STX8: variants seen among roughly 807,000 people sequenced by gnomAD.
The protein encoded by STX8 is syntaxin 8, also known as syntaxin-8.
In STX8, 23 loss-of-function variants were observed where a neutral mutation model predicts 37.5. The observed-to-expected ratio is 0.61, with a 90% confidence interval of 0.44 to 0.87. The LOEUF (loss-of-function observed/expected upper bound fraction) is 0.87, where lower values mean the gene tolerates loss of function less well. Ranked by LOEUF, STX8 falls within the 40% of genes least tolerant of loss-of-function variation. The pLI, the probability that STX8 is intolerant of heterozygous loss-of-function variation, is 0.00. For synonymous variants in STX8, 115 were observed against 99.1 expected (o/e 1.16, Z -0.95); for missense variants, 313 against 284.7 (o/e 1.10, Z -0.71).
chr17:9,564,891 A>G (rs1180766722), intron 2 of STX8, among the ~76,000 whole-genome samples: 1 of 152,256 alleles, frequency 6.6e-6, no homozygotes, highest in Admixed American at 6.5e-5. Flanking sequence ...GAGCCCAAAT[A>G]GCCAAGGCAA....
chr17:9,288,570 G>C (rs895155199), intron 7 of STX8, among the ~76,000 whole-genome samples: 1 of 152,130 alleles, frequency 6.6e-6, no homozygotes, highest in Non-Finnish European at 1.5e-5. Flanking sequence ...GCTGAGGCAG[G>C]AGAATGCCGT....
intron 7 of STX8, among the ~76,000 whole-genome samples, chr17:9,258,962 T>C (rs1906908236): frequency 6.6e-6 from 1 of 152,226 alleles, no homozygotes; most frequent in African/African-American, 2.4e-5. Context: ...TCCGAGGGTA[T>C]CTGCAGCAAG....
intron 3 of STX8, chr17:9,557,218 G>A (rs1456949163): frequency 2.1e-6 from 1 of 482,184 alleles, no homozygotes; most frequent in Non-Finnish European, 3.8e-6. Context: ...ACCCAAATAA[G>A]TTAATTCCCT....
chr17:9,397,125 C>T (rs1912431948), intron 6 of STX8, among the ~76,000 whole-genome samples: 2 of 152,278 alleles, frequency 1.3e-5, no homozygotes, highest in South Asian at 2.1e-4. Flanking sequence ...GGGCTGGGCG[C>T]GGTGGCCCAC....
intron 7 of STX8, among the ~76,000 whole-genome samples, chr17:9,338,047 G>GGT (rs1308584043): frequency 7.9e-6 from 1 of 125,918 alleles, no homozygotes. Flanking sequence ...ACCTCTGAAG[G>GGT]ATTTTTTTTT....
intron 6 of STX8, among the ~76,000 whole-genome samples, chr17:9,384,910 G>T (rs1911939302): frequency 7.3e-6 from 1 of 137,398 alleles, no homozygotes; most frequent in Non-Finnish European, 1.5e-5. Context: ...TATGTATGAG[G>T]AAGTAAAAAA....
chr17:9,485,881 C>T (rs1906575805), intron 6 of STX8, among the ~76,000 whole-genome samples: 1 of 152,100 alleles, frequency 6.6e-6, no homozygotes, highest in African/African-American at 2.4e-5. Context: ...CCACCATGCT[C>T]GGACAATCCG....
rs1904878762 is a variant in STX8 at position 9,507,385 on chromosome 17, T to C, written c.324-2223A>G. 1.3e-5 allele frequency among the ~76,000 whole-genome samples: 2 copies of C among 151,370 alleles called. No individual in the cohort carries two copies. Among genetic ancestry groups the C allele is most frequent in the Non-Finnish European group, 2.9e-5 (2 of 67,844 alleles). On this transcript the variant is annotated intron_variant, in intron 4 of 7. Coordinates refer to ENST00000306357, the MANE Select transcript of STX8 (RefSeq NM_004853.3). The surrounding 1 kb of genome is among the most constrained non-coding windows in gnomAD (Gnocchi z 4.0). ...GGCCAGCCGAGCAGCCTTGTGTTCA[T>C]ATCCCGGGTCTGAGAAGCAACTCCT... is the stretch of plus-strand genomic sequence containing the variant.
chr17:9,541,756 C>A (rs1044808093), intron 4 of STX8, among the ~76,000 whole-genome samples: 2 of 152,132 alleles, frequency 1.3e-5, no homozygotes, highest in Non-Finnish European at 2.9e-5. Context: ...TTCTCTTCTG[C>A]AAAATGGGGC....
chr17:9,494,334 T>TA (rs1441702870), intron 5 of STX8, among the ~76,000 whole-genome samples: 8 of 147,362 alleles, frequency 5.4e-5, no homozygotes, highest in African/African-American at 2.0e-4. Flanking sequence ...TGTTCTTAAG[T>TA]AAAAAAGCAG....
At chr17:9,383,516 C>T (rs1911887499) in intron 6 of STX8, among the ~76,000 whole-genome samples, 1 of 152,188 alleles carries the variant, frequency 6.6e-6, no homozygotes. Flanking sequence ...TCAGAGCTAA[C>T]ATCATACTTA....
chr17:9,412,016 C>G (rs1912995900), intron 6 of STX8, among the ~76,000 whole-genome samples: 1 of 152,106 alleles, frequency 6.6e-6, no homozygotes, highest in Non-Finnish European at 1.5e-5. Context: ...TCAAAAGTCT[C>G]AAAAGTTAAA....
chr17:9,367,173 T>G (rs546905438), intron 7 of STX8, among the ~76,000 whole-genome samples: 41 of 110,916 alleles, frequency 3.7e-4, no homozygotes, highest in African/African-American at 2.9e-3. Flanking sequence ...GTTTTTTTTG[T>G]TTTTTTTTTT....
At chr17:9,455,373 G>A (rs1166101420) in intron 6 of STX8, among the ~76,000 whole-genome samples, 6 of 151,956 alleles carry the variant, frequency 3.9e-5, no homozygotes, top group Admixed American at 6.6e-5. Context: ...GGTGGCACGC[G>A]CCTGTAATCC....
intron 7 of STX8, among the ~76,000 whole-genome samples, chr17:9,327,242 G>GAGGAGGA (rs770535259): frequency 1.4e-5 from 2 of 140,050 alleles, no homozygotes; most frequent in African/African-American, 6.3e-5. Flanking sequence ...AAGGAGGACA[G>GAGGAGGA]AGGAGGAAGG....
intron 7 of STX8, among the ~76,000 whole-genome samples, chr17:9,334,420 A>G (rs1409301275): frequency 6.6e-6 from 1 of 152,224 alleles, no homozygotes; most frequent in Non-Finnish European, 1.5e-5. Context: ...TTTTAAAACT[A>G]TAAACTAAGT....
At chr17:9,415,684 G>A (rs541165801) in intron 6 of STX8, among the ~76,000 whole-genome samples, 4 of 152,272 alleles carry the variant, frequency 2.6e-5, no homozygotes, top group African/African-American at 9.6e-5. Flanking sequence ...CAAGAGAATG[G>A]CGTGAACCCG....
intron 7 of STX8, among the ~76,000 whole-genome samples, chr17:9,263,332 T>C (rs1907114852): frequency 6.6e-6 from 1 of 151,898 alleles, no homozygotes; most frequent in African/African-American, 2.4e-5. Context: ...ACAAAAAAAT[T>C]AGCCGGGCAT....
chr17:9,563,432 C>T (rs931968571), intron 2 of STX8, among the ~76,000 whole-genome samples: 1 of 152,086 alleles, frequency 6.6e-6, no homozygotes. Context: ...GATCCACCCG[C>T]CTAGGCCTCC....
Sources: allele counts gnomAD v4.1 joint callset (sites outside exome capture counted in the v4.1 genomes callset), GRCh38; gene constraint gnomAD v4.1.1; non-coding constraint Gnocchi (gnomAD v3.1); transcripts MANE v1.5; gene names NCBI Gene and HGNC (gene_info 2026-07-23, HGNC 2026-07-21).